Variants in MBNL3 observed in about 807,000 individuals in gnomAD.
The protein encoded by MBNL3 is muscleblind like splicing regulator 3, also known as muscleblind-like protein 3.
A neutral mutation model predicts 24.5 loss-of-function variants in MBNL3; 6 were observed. That is an observed-to-expected ratio of 0.25 (90% confidence interval 0.13 to 0.48). The LOEUF is 0.48. Ranked by LOEUF, MBNL3 falls within the 20% of genes least tolerant of loss-of-function variation. The pLI, the probability that MBNL3 is intolerant of heterozygous loss-of-function variation, is 0.99. For missense variants in MBNL3, 230 were observed against 293.5 expected (o/e 0.78, Z 1.58); for synonymous variants, 100 against 101.7 (o/e 0.98, Z 0.10).
Position 132,406,308 on chromosome X carries a change from G to C in MBNL3, c.262C>G (p.Leu88Val). The change falls in exon 3 of 9, where the codon CTG (leucine) becomes GTG (valine). Residue 88 changes from leucine to valine, a missense_variant. Leu to Val is a conservative substitution (Grantham distance 32). Transcript: ENST00000370853. ...GCTGCGGCAGTCTTCTGTTGAATCA[G>C]ATTGTTCCGCCCATTAATCTCCAGC... ...TQLEINGRNN[L>V]IQQKTAAAMF... 1.7e-6 allele frequency: 2 copies of C among 1,211,735 alleles called. No homozygotes were observed. The highest frequency in any genetic ancestry group is 2.2e-6 in the Non-Finnish European group (2 of 895,351).
intron 1 of MBNL3, among the ~76,000 whole-genome samples, chrX:132,442,299 TA>T (rs761056920): frequency 8.9e-6 from 1 of 112,287 alleles, no homozygotes; most frequent in East Asian, 2.8e-4. Flanking sequence ...TTAAAAAGTC[TA>T]AAGAGACATG....
intron 2 of MBNL3, among the ~76,000 whole-genome samples, chrX:132,426,216 T>C (rs1944293607): frequency 8.9e-6 from 1 of 112,219 alleles, no homozygotes; most frequent in African/African-American, 3.2e-5. Flanking sequence ...GTGGACAAGA[T>C]AGCATCTAAT....
In MBNL3 at chrX:132,406,288, G is replaced by A; in HGVS notation, c.282C>T (p.Ala94=). The A allele has an allele frequency of 5.0e-6, 6 of 1,211,425 alleles. No individual in the cohort carries two copies. Among genetic ancestry groups the A allele is most frequent in the Middle Eastern group, 2.3e-4 (1 of 4,351 alleles). The change falls in exon 3 of 9, where the codon GCC becomes GCT. Residue 94 remains alanine (A), a synonymous_variant. Transcript: ENST00000370853. ...GRNNLIQQKT[A]AAMFAQQMQL... ...GCATCTGCTGGGCGAACATGGCTGC[G>A]GCAGTCTTCTGTTGAATCAGATTGT...
chrX:132,418,894 G>A lies in MBNL3; in HGVS notation c.178-12502C>T, dbSNP rs761168916. On this transcript the variant is annotated intron_variant, in intron 2 of 8. Coordinates refer to ENST00000370853, the MANE Select transcript of MBNL3 (RefSeq NM_001386889.1). Reference sequence around the variant, plus strand: ...GCTGAGGTAATCCTCCCACCTCAGCGTCCCGAGTAGCTGGGACTACAGGTG... The same window carrying A: ...GCTGAGGTAATCCTCCCACCTCAGCATCCCGAGTAGCTGGGACTACAGGTG... 1.2e-3 allele frequency among the ~76,000 whole-genome samples: 129 copies of A among 112,048 alleles called. 1 individual carries two copies. The highest frequency in any genetic ancestry group is 2.1e-3 in the Non-Finnish European group (113 of 53,143).
intron 8 of MBNL3, 121 bp from the exon 9 acceptor site, chrX:132,379,798 T>C: frequency 6.0e-6 from 3 of 500,567 alleles, no homozygotes; most frequent in Non-Finnish European, 1.0e-5. Context: ...TGCCAAAATA[T>C]CCCCAATCTG....
intron 2 of MBNL3, among the ~76,000 whole-genome samples, 163 bp downstream of exon 2, chrX:132,439,272 T>A (rs1021381909): frequency 8.0e-5 from 9 of 112,069 alleles, no homozygotes; most frequent in Admixed American, 7.6e-4. Context: ...GTTAAGACAT[T>A]CTGACTTTAA....
At chrX:132,477,190 T>C (rs1432480973) in intron 1 of MBNL3, among the ~76,000 whole-genome samples, 6 of 111,948 alleles carry the variant, frequency 5.4e-5, no homozygotes, top group African/African-American at 1.6e-4. Flanking sequence ...TTTATTATGG[T>C]CCTTAATTTG....
At chrX:132,396,592 CTA>C (rs1415191937) in intron 3 of MBNL3, among the ~76,000 whole-genome samples, 3 of 40,912 alleles carry the variant, frequency 7.3e-5, no homozygotes, top group Non-Finnish European at 1.2e-4. Context: ...ATATATATTC[CTA>C]TATATATTCC....
intron 1 of MBNL3, among the ~76,000 whole-genome samples, chrX:132,448,364 A>T (rs942946255): frequency 1.6e-4 from 18 of 111,383 alleles, no homozygotes; most frequent in African/African-American, 5.5e-4. Context: ...TTCCTGGTTT[A>T]GTCTTGGGAG....
At chrX:132,391,112 G>A (rs766720812) in intron 4 of MBNL3, 29 bp from the exon 5 acceptor site, 24 of 1,088,307 alleles carry the variant, frequency 2.2e-5, no homozygotes, top group African/African-American at 5.5e-5. Context: ...ACATACACAC[G>A]CATCACACTG....
chrX:132,405,654 T>A (rs2072793506), intron 3 of MBNL3, among the ~76,000 whole-genome samples: 2 of 110,796 alleles, frequency 1.8e-5, no homozygotes, highest in African/African-American at 6.6e-5. Flanking sequence ...GACAGGTGGA[T>A]CACCTGAAGT....
At chrX:132,404,293 C>T (rs1216068058) in intron 3 of MBNL3, among the ~76,000 whole-genome samples, 1 of 112,001 alleles carries the variant, frequency 8.9e-6, no homozygotes, top group Non-Finnish European at 1.9e-5. Context: ...CTTTATTCCC[C>T]ACCCACTCAC....
intron 2 of MBNL3, among the ~76,000 whole-genome samples, chrX:132,434,714 T>C (rs1945015935): frequency 8.9e-6 from 1 of 111,969 alleles, no homozygotes; most frequent in Non-Finnish European, 1.9e-5. Flanking sequence ...TGACCAGTAT[T>C]CATCCTAAGT....
intron 1 of MBNL3, among the ~76,000 whole-genome samples, chrX:132,441,010 CTCTT>C (rs913005104): frequency 6.2e-5 from 7 of 112,300 alleles, no homozygotes; most frequent in African/African-American, 2.3e-4. Context: ...TCTAAATCTT[CTCTT>C]TGTCTTTTCC....
At position 132,384,688 on chromosome X, in the gene MBNL3, C is replaced by A; in HGVS notation, c.933G>T (p.Leu311=). The A allele has an allele frequency of 8.4e-7, 1 of 1,193,662 alleles. No homozygotes were observed. The highest frequency in any genetic ancestry group is 1.1e-6 in the Non-Finnish European group (1 of 885,226). ...QPAFIPAGPI[L]CMAPASNIVP... ...CAATATTTGAAGCGGGTGCCATGCA[C>A]AGTATTGGCCCTGTACACCACGCAG... The change falls in exon 7 of 9, where the codon CTG becomes CTT. Residue 311 remains leucine, a synonymous_variant. Transcript: ENST00000370853.
At chrX:132,485,530 C>T (rs1453851670) in intron 1 of MBNL3, among the ~76,000 whole-genome samples, 1 of 112,227 alleles carries the variant, frequency 8.9e-6, no homozygotes, top group East Asian at 2.8e-4. Flanking sequence ...TATCCTAATT[C>T]TCAAAGTTGC....
intron 5 of MBNL3, 72 bp downstream of exon 5, chrX:132,390,775 G>T: frequency 1.2e-6 from 1 of 869,287 alleles, no homozygotes. Context: ...ATGGTTACAG[G>T]ATATTAGACA....
rs1390769165 is a variant in MBNL3, at chrX:132,377,646, G to A, written c.*2020C>T. ...ATTTCTGGGTCCCACAATGGCTAAG[G>A]TAGCCTTGGGCAAGTCATATGCCCC... is the stretch of plus-strand genomic sequence containing the variant. On this transcript the variant is annotated 3_prime_UTR_variant, in exon 9 of 9. Coordinates refer to ENST00000370853, the MANE Select transcript of MBNL3 (RefSeq NM_001386889.1). The A allele has an allele frequency of 9.0e-6, 1 of 110,962 alleles. No homozygotes were observed. The highest frequency in any genetic ancestry group is 1.9e-5 in the Non-Finnish European group (1 of 52,842). 9.1% of individuals were successfully genotyped at this position (110,962 alleles called of 1,213,427 possible). A position where few individuals can be genotyped will look rare whatever the true frequency, so the allele number is the denominator to read the frequency against.
chrX:132,457,823 C>T (rs955235253), intron 1 of MBNL3, among the ~76,000 whole-genome samples: 2 of 111,682 alleles, frequency 1.8e-5, no homozygotes, highest in African/African-American at 6.5e-5. Flanking sequence ...TACTACTAAA[C>T]AATTGTTCCA....
Sources: gnomAD v4.1 joint callset for allele counts (sites outside exome capture counted in the v4.1 genomes callset) on GRCh38, gnomAD v4.1.1 for gene constraint, MANE v1.5 for transcripts, NCBI Gene and HGNC (gene_info 2026-07-23, HGNC 2026-07-21) for gene names.